SEMA3D: variants seen among roughly 807,000 people sequenced by gnomAD.
SEMA3D encodes semaphorin 3D.
A neutral mutation model predicts 100.1 loss-of-function variants in SEMA3D; 84 were observed. That is an observed-to-expected ratio of 0.84 (90% CI 0.70 to 1.01). SEMA3D has a LOEUF of 1.01. Among genes scored for constraint, SEMA3D ranks in the 50% least tolerant of loss-of-function variants. SEMA3D has a pLI of 0.00. For synonymous variants in SEMA3D, 312 were observed against 320.7 expected, an observed-to-expected ratio of 0.97 and a Z score of 0.29; for missense variants, 875 against 934.1, an observed-to-expected ratio of 0.94 and a Z score of 0.82.
chr7:85,115,949 TTC>T (rs1461336241), intron 3 of SEMA3D, among the ~76,000 whole-genome samples: 23 of 152,250 alleles, frequency 1.5e-4, no homozygotes. Context: ...GCTTAAATTT[TTC>T]CACAGATTCA....
At chr7:85,073,241 G>C (rs981297264) in intron 5 of SEMA3D, among the ~76,000 whole-genome samples, 160 bp from the exon 6 acceptor site, 22 of 152,040 alleles carry the variant, frequency 1.4e-4, no homozygotes, top group African/African-American at 5.3e-4. Flanking sequence ...AGCAAACGAG[G>C]CAAGACAAAT....
chr7:85,101,917 C>T (rs1211690393), intron 3 of SEMA3D, among the ~76,000 whole-genome samples: 1 of 151,814 alleles, frequency 6.6e-6, no homozygotes, highest in African/African-American at 2.4e-5. Context: ...AAGATAAGAA[C>T]ATCTCTGCAT....
chr7:85,154,867 A>G (rs1483767087), intron 1 of SEMA3D, among the ~76,000 whole-genome samples: 3 of 152,190 alleles, frequency 2.0e-5, no homozygotes, highest in Admixed American at 6.6e-5. Flanking sequence ...AAAAATATGC[A>G]TAAGTCTGAA....
chr7:85,151,758 G>T, intron 2 of SEMA3D: 2 of 857,026 alleles, frequency 2.3e-6, no homozygotes, highest in Non-Finnish European at 2.8e-6. Flanking sequence ...ACATTGACCT[G>T]AAGTAGAACT....
intron 3 of SEMA3D, among the ~76,000 whole-genome samples, chr7:85,109,215 T>G (rs780874325): frequency 6.6e-6 from 1 of 151,902 alleles, no homozygotes; most frequent in African/African-American, 2.4e-5. Flanking sequence ...AATTTCCAGA[T>G]GAGAAAACCT....
chr7:85,170,420 GA>G (rs1791053116), intron 1 of SEMA3D, among the ~76,000 whole-genome samples: 3 of 151,716 alleles, frequency 2.0e-5, no homozygotes, highest in Non-Finnish European at 4.4e-5. Flanking sequence ...TGAATTTTGG[GA>G]ACAACACAAC....
chr7:85,180,509 C>A (rs1281748082), intron 1 of SEMA3D, among the ~76,000 whole-genome samples: 1 of 152,068 alleles, frequency 6.6e-6, no homozygotes, highest in African/African-American at 2.4e-5. Flanking sequence ...AAGTTTTCCA[C>A]TATATAATTT....
Position 85,073,139 on chromosome 7 carries a change from C to T in SEMA3D, c.376-58G>A. 12 of 1,473,846 alleles carry T rather than the reference C, an allele frequency of 8.1e-6. No individual in the cohort carries two copies. The East Asian group carries it at 2.3e-4, about 28-fold the overall frequency. The allele number at this position is 1,473,846 out of a possible 1,614,324, so 91.3% of individuals were successfully genotyped here. A position where few individuals can be genotyped will look rare whatever the true frequency, so the allele number is the denominator to read the frequency against. ...ACAATTCAGGTTTTTGAAATATTAT[C>T]ATTTATGCCACCTGTTTTCCAAGTA... is the stretch of plus-strand genomic sequence containing the variant. On this transcript the variant is annotated intron_variant, in intron 5 of 18. Transcript: ENST00000284136.
chr7:85,054,516 C>A (rs965043076), intron 9 of SEMA3D, among the ~76,000 whole-genome samples: 23 of 152,016 alleles, frequency 1.5e-4, no homozygotes, highest in Admixed American at 6.6e-5. Context: ...GAGAATCTGT[C>A]CCCTGGGGGT....
chr7:85,091,068 G>GAGAAAGAGAA (rs1180191777), intron 4 of SEMA3D, among the ~76,000 whole-genome samples: 1 of 143,224 alleles, frequency 7.0e-6, no homozygotes, highest in Non-Finnish European at 1.5e-5. Flanking sequence ...GAAGGAAGGA[G>GAGAAAGAGAA]AGAAAGAGAA....
chr7:85,159,638 G>T (rs1261180900), intron 1 of SEMA3D, among the ~76,000 whole-genome samples: 1 of 152,040 alleles, frequency 6.6e-6, no homozygotes, highest in African/African-American at 2.4e-5. Flanking sequence ...ATTTATTATG[G>T]CTTTATCTCT....
intron 2 of SEMA3D, among the ~76,000 whole-genome samples, chr7:85,122,577 C>T (rs898352851): frequency 6.6e-6 from 1 of 152,098 alleles, no homozygotes; most frequent in Admixed American, 6.6e-5. Context: ...CCTATACGTG[C>T]CCCATATCAT....
At chr7:85,230,499 A>T in the SEMA3D span, among the ~76,000 whole-genome samples, 1 of 152,262 alleles carries the variant, frequency 6.6e-6, no homozygotes, top group East Asian at 1.9e-4. Context: ...CCTCACTAAA[A>T]CAGTCAACGT....
chr7:85,193,820 G>T, the SEMA3D span, among the ~76,000 whole-genome samples: 1 of 150,882 alleles, frequency 6.6e-6, no homozygotes, highest in Non-Finnish European at 1.5e-5. Context: ...TTTTTATATA[G>T]TATATCATGC....
At chr7:85,089,271 T>C (rs1039766115) in intron 4 of SEMA3D, among the ~76,000 whole-genome samples, 2 of 152,172 alleles carry the variant, frequency 1.3e-5, no homozygotes, top group Non-Finnish European at 2.9e-5. Context: ...CATTATTATC[T>C]TCTAGGTAGA....
the SEMA3D span, among the ~76,000 whole-genome samples, chr7:85,238,294 C>T: frequency 6.6e-6 from 1 of 152,142 alleles, no homozygotes; most frequent in Non-Finnish European, 1.5e-5. Context: ...CCAATGTCAC[C>T]TATATTTTTT....
the SEMA3D span, among the ~76,000 whole-genome samples, chr7:85,194,214 G>A: frequency 6.6e-6 from 1 of 152,036 alleles, no homozygotes; most frequent in Non-Finnish European, 1.5e-5. Flanking sequence ...CCATCTTGTT[G>A]CACTAGCTAG....
the SEMA3D span, among the ~76,000 whole-genome samples, chr7:85,241,704 CTAAAAATTGGGTTCAG>C: frequency 6.6e-6 from 1 of 150,938 alleles, no homozygotes; most frequent in Admixed American, 6.6e-5. Context: ...GGATAAAAAA[CTAAAAATTGGGTTCAG>C]TATATAATGT....
intron 3 of SEMA3D, among the ~76,000 whole-genome samples, chr7:85,114,775 G>A (rs1428501943): frequency 6.6e-6 from 1 of 152,090 alleles, no homozygotes; most frequent in Non-Finnish European, 1.5e-5. Flanking sequence ...ATAAGAATAA[G>A]GGCTGAGATG....
Sources: gnomAD v4.1 joint callset for allele counts (sites outside exome capture counted in the v4.1 genomes callset) on GRCh38, gnomAD v4.1.1 for gene constraint, MANE v1.5 for transcripts, NCBI Gene and HGNC (gene_info 2026-07-23, HGNC 2026-07-21) for gene names.